PHLPP1: variants seen among roughly 807,000 people sequenced by gnomAD.
The protein encoded by PHLPP1 is PH domain and leucine rich repeat protein phosphatase 1, also known as PH domain leucine-rich repeat-containing protein phosphatase 1.
A neutral mutation model predicts 117.2 loss-of-function variants in PHLPP1; 42 were observed. The ratio of observed to expected loss-of-function variants is 0.36; its 90% CI spans 0.28 to 0.46. PHLPP1 has a LOEUF of 0.46. PHLPP1 is among the 20% of genes least tolerant of loss of function. PHLPP1 has a pLI of 1.00. For synonymous variants in PHLPP1, 1,042 were observed against 970.7 expected (o/e 1.07, Z -1.37); for missense variants, 2,084 against 2,241.9 (o/e 0.93, Z 1.42).
rs923626206 is a variant in PHLPP1, at chr18:62,942,580, T to C, written c.3161+662T>C. 2.3e-4 allele frequency among the ~76,000 whole-genome samples: 35 copies of C among 152,174 alleles called. 1 individual carries two copies. The highest frequency in any genetic ancestry group is 4.4e-5 in the Non-Finnish European group (3 of 68,040). On this transcript the variant is annotated intron_variant, in intron 11 of 16. Transcript: ENST00000262719. Reference sequence around the variant, plus strand: ...TTTTTAATTTGTTTTTACTTTAATTTCTAATTTTCGGTGAGCGGTGACATT... The same window carrying C: ...TTTTTAATTTGTTTTTACTTTAATTCCTAATTTTCGGTGAGCGGTGACATT...
At chr18:62,819,585 A>G (rs1022955493) in intron 1 of PHLPP1, among the ~76,000 whole-genome samples, 6 of 152,214 alleles carry the variant, frequency 3.9e-5, no homozygotes, top group Admixed American at 6.5e-5. Context: ...TTTCAGTTAA[A>G]AGACAGATTA....
chr18:62,803,511 G>A (rs1305033579), intron 1 of PHLPP1, among the ~76,000 whole-genome samples: 1 of 152,158 alleles, frequency 6.6e-6, no homozygotes, highest in African/African-American at 2.4e-5. Context: ...GTGAGATTCA[G>A]CCATCATTTT....
intron 1 of PHLPP1, among the ~76,000 whole-genome samples, chr18:62,720,402 G>T (rs1036901947): frequency 1.3e-5 from 2 of 152,146 alleles, no homozygotes. Context: ...AGAATAAAGT[G>T]CACATTCACT....
chr18:62,791,076 AAG>A (rs1321545670), intron 1 of PHLPP1, among the ~76,000 whole-genome samples: 2 of 152,092 alleles, frequency 1.3e-5, no homozygotes, highest in African/African-American at 4.8e-5. Context: ...CTGGAGCACT[AAG>A]AGGCTCTTTC....
At chr18:62,902,872 T>C in intron 6 of PHLPP1, 92 bp from the exon 7 acceptor site, 4 of 756,838 alleles carry the variant, frequency 5.3e-6, no homozygotes, top group South Asian at 5.0e-5. Flanking sequence ...CAGAGAGAAC[T>C]GAGTTCTTTC....
At chr18:62,774,543 TATC>T (rs1912891932) in intron 1 of PHLPP1, among the ~76,000 whole-genome samples, 1 of 152,244 alleles carries the variant, frequency 6.6e-6, no homozygotes, top group African/African-American at 2.4e-5. Flanking sequence ...ACTGAGCTAA[TATC>T]ATAATGATTC....
rs377371666 is a variant in PHLPP1, at chr18:62,941,741, C to T, written c.2984C>T (p.Ala995Val). ...ADSLRFLNAS[A>V]NKLESLPPAT... ...AGCCTGAGATTCCTGAACGCCTCTG[C>T]GAACAAACTGGAAAGCCTTCCTCCA... The change falls in exon 11 of 17, where the codon GCG (alanine) becomes GTG (valine). Residue 995 changes from alanine (A) to valine (V), a missense_variant. By Grantham distance (64) the Ala-to-Val change is moderately conservative. This residue lies in a region of PHLPP1 where 1,365 missense variants were observed against 1,605.9 expected (regional missense o/e 0.85). Transcript: ENST00000262719. 9.9e-6 allele frequency: 16 copies of T among 1,612,878 alleles called. No individual in the cohort carries two copies. Among genetic ancestry groups the T allele is most frequent in the African/African-American group, 4.0e-5 (3 of 74,908 alleles).
intron 8 of PHLPP1, among the ~76,000 whole-genome samples, chr18:62,912,297 TATA>T (rs1361966333): frequency 6.9e-5 from 7 of 101,664 alleles, no homozygotes; most frequent in African/African-American, 2.4e-4. Context: ...AAACTTAGAG[TATA>T]ATAAAAAAAA....
chr18:62,841,313 T>C (rs1915044382), intron 3 of PHLPP1, among the ~76,000 whole-genome samples: 1 of 151,934 alleles, frequency 6.6e-6, no homozygotes, highest in African/African-American at 2.4e-5. Context: ...TTTTTCACTT[T>C]TCTGTTTTTC....
At chr18:62,767,752 G>GGT (rs1382670048) in intron 1 of PHLPP1, among the ~76,000 whole-genome samples, 2 of 152,160 alleles carry the variant, frequency 1.3e-5, no homozygotes, top group Non-Finnish European at 1.5e-5. Context: ...TTGGAGGCAT[G>GGT]GGGGAGAATA....
At chr18:62,874,657 GCACACACACACA>G (rs71340125) in intron 4 of PHLPP1, among the ~76,000 whole-genome samples, 29 of 147,722 alleles carry the variant, frequency 2.0e-4, no homozygotes, top group East Asian at 6.1e-4. Context: ...ACGCACGCGC[GCACACACACACA>G]CACACACACA....
intron 1 of PHLPP1, among the ~76,000 whole-genome samples, chr18:62,731,539 A>G (rs1911227862): frequency 6.6e-6 from 1 of 152,144 alleles, no homozygotes; most frequent in Non-Finnish European, 1.5e-5. Flanking sequence ...ACACAACAGT[A>G]TTGAAATTGG....
intron 1 of PHLPP1, among the ~76,000 whole-genome samples, chr18:62,722,344 A>G (rs1296559368): frequency 6.6e-6 from 1 of 152,210 alleles, no homozygotes; most frequent in Admixed American, 6.5e-5. Context: ...AATTCAGTCT[A>G]TCTGGACTGG....
At chr18:62,874,750 G>A (rs189446463) in intron 4 of PHLPP1, among the ~76,000 whole-genome samples, 4 of 152,096 alleles carry the variant, frequency 2.6e-5, no homozygotes, top group African/African-American at 4.8e-5. Flanking sequence ...ACTGGTGAAC[G>A]TAATGTGCAC....
In PHLPP1 at chr18:62,920,090, C is replaced by A; in HGVS notation, c.2936C>A (p.Pro979His). Reference protein sequence around the residue: ...VQHNQLLELPPNLLMKADSLR... With the variant: ...VQHNQLLELPHNLLMKADSLR... ...CACAACCAGCTCCTTGAGCTCCCAC[C>A]TAACCTTCTGATGAAGGCTGACAGG... Residue 979 changes from proline to histidine, a missense_variant, in exon 10 of 17, where the codon CCT (proline) becomes CAT (histidine). Physicochemically the swap from Pro to His is moderately conservative, Grantham distance 77 (BLOSUM62 -2). This residue lies in a region of PHLPP1 where 1,365 missense variants were observed against 1,605.9 expected (regional missense o/e 0.85). Coordinates refer to ENST00000262719, the MANE Select transcript of PHLPP1 (RefSeq NM_194449.4). 2 of 1,613,794 alleles carry A rather than the reference C, an allele frequency of 1.2e-6. No homozygotes were observed. The highest frequency in any genetic ancestry group is 1.7e-6 in the Non-Finnish European group (2 of 1,179,790).
chr18:62,924,066 T>G (rs1046180614), intron 10 of PHLPP1, among the ~76,000 whole-genome samples: 1 of 152,072 alleles, frequency 6.6e-6, no homozygotes, highest in Non-Finnish European at 1.5e-5. Flanking sequence ...TAAACTATAG[T>G]GAAAGGTAGG....
At chr18:62,904,354 C>G (rs1247824864) in intron 7 of PHLPP1, among the ~76,000 whole-genome samples, 1 of 152,144 alleles carries the variant, frequency 6.6e-6, no homozygotes, top group Non-Finnish European at 1.5e-5. Flanking sequence ...AGTAGAGACT[C>G]TAAAGTGGAG....
chr18:62,792,860 C>T (rs920901450), intron 1 of PHLPP1, among the ~76,000 whole-genome samples: 4 of 132,464 alleles, frequency 3.0e-5, no homozygotes, highest in Non-Finnish European at 6.2e-5. Flanking sequence ...GAGAGCGAGC[C>T]TCTGTCTCAA....
chr18:62,746,933 T>C (rs1393902323), intron 1 of PHLPP1, among the ~76,000 whole-genome samples: 2 of 152,342 alleles, frequency 1.3e-5, no homozygotes, highest in Non-Finnish European at 2.9e-5. Flanking sequence ...GTTGTAGCTA[T>C]ATTCAGGTTT....
Sources: allele counts gnomAD v4.1 joint callset (sites outside exome capture counted in the v4.1 genomes callset), GRCh38; gene constraint gnomAD v4.1.1; regional missense constraint gnomAD v4.1.1; transcripts MANE v1.5; gene names NCBI Gene and HGNC (gene_info 2026-07-23, HGNC 2026-07-21).